The following GNA14 variants were observed in gnomAD, a reference collection of about 807,000 sequenced individuals.
The protein encoded by GNA14 is guanine nucleotide-binding protein subunit alpha-14.
GNA14 carries 50 observed loss-of-function variants against 42.0 expected under a neutral mutation model. That is an observed-to-expected ratio of 1.19 (90% CI 0.95 to 1.51). The LOEUF is 1.51. Ranked by LOEUF, GNA14 falls within the 40% of genes most tolerant of loss-of-function variation. The probability of loss-of-function intolerance (pLI) is 0.00; values close to 1 mark genes in which losing one functional copy is unlikely to be tolerated. For synonymous variants in GNA14, 173 were observed against 163.1 expected (o/e 1.06, Z -0.46); for missense variants, 473 against 446.2 (o/e 1.06, Z -0.54).
rs926448129 is a variant in GNA14, at chr9:77,578,349, T to A, written c.125-49096A>T. The stretch of plus-strand genomic sequence containing the variant: ...TATCTGAGGATCATTGGGCCTGCCC[T>A]GCATCAGTGGCCCTGTGATTTCAGT... On this transcript the variant is annotated intron_variant, in intron 1 of 6. Transcript: ENST00000341700. Among the ~76,000 whole-genome samples the A allele has an allele frequency of 1.9e-4, 29 of 152,200 alleles. 1 individual carries two copies. The highest frequency in any genetic ancestry group is 1.0e-3 in the Admixed American group (16 of 15,274).
At chr9:77,483,071 C>T (rs1267063589) in intron 2 of GNA14, among the ~76,000 whole-genome samples, 6 of 152,224 alleles carry the variant, frequency 3.9e-5, no homozygotes, top group South Asian at 2.1e-4. Context: ...AGTCATTCTC[C>T]GTGCAGCTTT....
intron 1 of GNA14, among the ~76,000 whole-genome samples, chr9:77,598,743 C>T (rs544579011): frequency 1.3e-5 from 2 of 152,322 alleles, no homozygotes; most frequent in South Asian, 4.1e-4. Context: ...AAAATAGCAG[C>T]TGGTTTCTGG....
chr9:77,566,053 A>C (rs1822963185), intron 1 of GNA14, among the ~76,000 whole-genome samples: 1 of 152,158 alleles, frequency 6.6e-6, no homozygotes, highest in African/African-American at 2.4e-5. Flanking sequence ...TCTCAAAGCA[A>C]AGAACTGGCT....
chr9:77,517,590 C>CTTTTCTT (rs1837278280), intron 2 of GNA14: 1 of 26,812 alleles, frequency 3.7e-5, no homozygotes, highest in Non-Finnish European at 6.8e-5. Context: ...TGGTACTTTT[C>CTTTTCTT]TTTTTTTTTT....
At chr9:77,553,250 T>C (rs1342594671) in intron 1 of GNA14, among the ~76,000 whole-genome samples, 1 of 152,140 alleles carries the variant, frequency 6.6e-6, no homozygotes, top group African/African-American at 2.4e-5. Context: ...CCTAAGACTA[T>C]GCAAGAGACA....
At chr9:77,564,944 C>T (rs1342942784) in intron 1 of GNA14, among the ~76,000 whole-genome samples, 2 of 152,130 alleles carry the variant, frequency 1.3e-5, no homozygotes, top group Non-Finnish European at 2.9e-5. Context: ...TACATACATA[C>T]GTATTCACAG....
At chr9:77,473,896 C>T (rs1010702900) in intron 2 of GNA14, among the ~76,000 whole-genome samples, 1 of 152,128 alleles carries the variant, frequency 6.6e-6, no homozygotes. Context: ...AGGTGCCAAG[C>T]TAATTCAATG....
chr9:77,645,958 A>G (rs1317653859), intron 1 of GNA14, among the ~76,000 whole-genome samples: 1 of 152,194 alleles, frequency 6.6e-6, no homozygotes, highest in Non-Finnish European at 1.5e-5. Flanking sequence ...CCCCGCACCC[A>G]TAGTTATTTT....
intron 1 of GNA14, among the ~76,000 whole-genome samples, chr9:77,619,903 G>T (rs1348229370): frequency 1.3e-5 from 2 of 151,978 alleles, no homozygotes. Flanking sequence ...ATTCATTTCT[G>T]TCCCTGACAA....
At chr9:77,566,145 CTTTTTTTT>C (rs956489720) in intron 1 of GNA14, among the ~76,000 whole-genome samples, 1 of 102,508 alleles carries the variant, frequency 9.8e-6, no homozygotes, top group Admixed American at 1.1e-4. Context: ...GGGAGTGCTT[CTTTTTTTT>C]TTTTTTTTTT....
intron 2 of GNA14, among the ~76,000 whole-genome samples, chr9:77,445,137 G>A (rs986616583): frequency 9.9e-5 from 15 of 152,174 alleles, no homozygotes; most frequent in African/African-American, 3.4e-4. Context: ...AAGGAGAAGG[G>A]GCTACATCTT....
At chr9:77,530,800 T>C (rs976579131) in intron 1 of GNA14, among the ~76,000 whole-genome samples, 3 of 151,998 alleles carry the variant, frequency 2.0e-5, no homozygotes, top group African/African-American at 7.3e-5. Context: ...GATGGGGGAG[T>C]GTCCTCACAC....
chr9:77,635,062 T>TCCCCAAAACC (rs1824160487), intron 1 of GNA14: 1 of 152,212 alleles, frequency 6.6e-6, no homozygotes, highest in Non-Finnish European at 1.5e-5. Context: ...CAGGTGGTGT[T>TCCCCAAAACC]TGGTTACCCA....
intron 1 of GNA14, among the ~76,000 whole-genome samples, chr9:77,625,195 CAAAA>C (rs1466301534): frequency 6.6e-6 from 1 of 150,700 alleles, no homozygotes; most frequent in Non-Finnish European, 1.5e-5. Context: ...AGCATGAAGA[CAAAA>C]AAAGAATGAA....
In GNA14 at chr9:77,427,938, TAA is replaced by T. The variant is rs760939964; in HGVS notation, c.723+967_723+968del. 3.3e-5 allele frequency among the ~76,000 whole-genome samples: 5 copies of T among 152,190 alleles called. No individual in the cohort carries two copies. The East Asian group carries it at 7.7e-4, about 23-fold the overall frequency. ...GGAGGTTAGGAAGCCTGTGCCCAGG[TAA>T]AGTGTTTTAGAGATAGTGCTGCTCG... On this transcript the variant is annotated intron_variant, in intron 5 of 6. Coordinates refer to ENST00000341700, the MANE Select transcript of GNA14 (RefSeq NM_004297.4).
chr9:77,646,807 C>A (rs1037318490), intron 1 of GNA14, among the ~76,000 whole-genome samples: 20 of 152,220 alleles, frequency 1.3e-4, no homozygotes, highest in African/African-American at 4.8e-4. Flanking sequence ...GAGATGGGAT[C>A]CTTGCCTCAT....
intron 2 of GNA14, among the ~76,000 whole-genome samples, chr9:77,458,211 A>C (rs1836040461): frequency 6.6e-6 from 1 of 152,192 alleles, no homozygotes; most frequent in South Asian, 2.1e-4. Context: ...AGCAGAGGCG[A>C]CTGTCTTAGG....
rs549487266 is a variant in GNA14 at position 77,613,613 on chromosome 9, T to C, written c.124+34057A>G. Among the ~76,000 whole-genome samples the C allele has an allele frequency of 2.0e-5, 3 of 152,336 alleles. No homozygotes were observed. The South Asian group carries it at 6.2e-4, about 32-fold the overall frequency. The stretch of plus-strand genomic sequence containing the variant: ...AGAATGTTTTTGGCCTTGATGGTGA[T>C]AATGGTTACACAGGTATCTACTTTT... On this transcript the variant is annotated intron_variant, in intron 1 of 6. Transcript: ENST00000341700.
chr9:77,512,072 TTGGCCCCCAC>T (rs1837180375), intron 2 of GNA14, among the ~76,000 whole-genome samples: 1 of 151,970 alleles, frequency 6.6e-6, no homozygotes, highest in Admixed American at 6.6e-5. Context: ...CACTGCCTGC[TTGGCCCCCAC>T]TGTCCCCCAC....
Sources: gnomAD v4.1 joint callset for allele counts (sites outside exome capture counted in the v4.1 genomes callset) on GRCh38, gnomAD v4.1.1 for gene constraint, MANE v1.5 for transcripts, NCBI Gene and HGNC (gene_info 2026-07-23, HGNC 2026-07-21) for gene names.